The following GLRA3 variants were observed in gnomAD, a reference collection of about 807,000 sequenced individuals.
The protein encoded by GLRA3 is glycine receptor alpha 3.
GLRA3 carries 44 observed loss-of-function variants against 60.4 expected under a neutral mutation model. The observed-to-expected ratio is 0.73, with a 90% CI of 0.57 to 0.94. GLRA3 has a LOEUF of 0.94. GLRA3 is among the 40% of genes least tolerant of loss of function. GLRA3 has a pLI of 0.00. For synonymous variants in GLRA3, 223 were observed against 192.9 expected (o/e 1.16, Z -1.29); for missense variants, 508 against 564.6 (o/e 0.90, Z 1.02).
chr4:174,643,376 A>G lies in GLRA3; in HGVS notation c.*410T>C. 1 of 337,358 alleles carries G rather than the reference A, an allele frequency of 3.0e-6. No individual in the cohort carries two copies. Among genetic ancestry groups the G allele is most frequent in the Non-Finnish European group, 3.3e-6 (1 of 303,006 alleles). 20.9% of individuals were successfully genotyped at this position (337,358 alleles called of 1,614,324 possible). A position where few individuals can be genotyped will look rare whatever the true frequency, so the allele number is the denominator to read the frequency against. ...ACTATACTATAAGAAAATAGTTTTA[A>G]ATCTCAAACTATTGGTTTACTGTGC... On this transcript the variant is annotated 3_prime_UTR_variant, in exon 10 of 10. Transcript: ENST00000274093.
At chr4:174,724,301 T>G (rs1278448302) in intron 4 of GLRA3, among the ~76,000 whole-genome samples, 1 of 152,008 alleles carries the variant, frequency 6.6e-6, no homozygotes, top group Non-Finnish European at 1.5e-5. Context: ...CACATACATA[T>G]GTAATTTAGA....
intron 1 of GLRA3, among the ~76,000 whole-genome samples, chr4:174,827,185 C>T (rs1344592309): frequency 6.6e-6 from 1 of 151,810 alleles, no homozygotes; most frequent in Admixed American, 6.6e-5. Flanking sequence ...CTTATAATCA[C>T]AATTATCCAT....
intron 3 of GLRA3, among the ~76,000 whole-genome samples, chr4:174,753,420 T>C (rs141171996): frequency 6.6e-6 from 1 of 152,322 alleles, no homozygotes; most frequent in East Asian, 1.9e-4. Context: ...CTAATTGACA[T>C]GCTAGATTCA....
intron 1 of GLRA3, among the ~76,000 whole-genome samples, chr4:174,792,933 G>A (rs1416996137): frequency 7.2e-5 from 11 of 152,128 alleles, no homozygotes; most frequent in Admixed American, 4.6e-4. Context: ...ATTGGTTTAC[G>A]TTGTCACCAC....
chr4:174,651,722 A>G (rs183303922), intron 9 of GLRA3, among the ~76,000 whole-genome samples: 84 of 152,208 alleles, frequency 5.5e-4, no homozygotes, highest in African/African-American at 2.0e-3. Flanking sequence ...TCAAGTCCTC[A>G]CTGTCTTATT....
intron 3 of GLRA3, among the ~76,000 whole-genome samples, chr4:174,745,463 C>T (rs75800240): frequency 0.16 from 24,061 of 152,136 alleles, 2,488 homozygotes; most frequent in African/African-American, 0.3. Context: ...TGTATTTTCA[C>T]AGTTTTAGGT....
chr4:174,663,583 T>C (rs1283385484), intron 7 of GLRA3, among the ~76,000 whole-genome samples: 3 of 152,204 alleles, frequency 2.0e-5, no homozygotes, highest in Non-Finnish European at 2.9e-5. Context: ...CTTAAAAGCA[T>C]TGAGCCTAAA....
intron 4 of GLRA3, among the ~76,000 whole-genome samples, chr4:174,721,506 T>C (rs571534400): frequency 6.6e-6 from 1 of 151,252 alleles, no homozygotes; most frequent in East Asian, 1.9e-4. Flanking sequence ...GTAATAATTA[T>C]GTTACAAATT....
intron 3 of GLRA3, among the ~76,000 whole-genome samples, chr4:174,738,913 G>C (rs1258299213): frequency 1.3e-5 from 2 of 152,162 alleles, no homozygotes; most frequent in African/African-American, 4.8e-5. Flanking sequence ...CATAGGCAAG[G>C]TCTCTTTTAT....
intron 2 of GLRA3, among the ~76,000 whole-genome samples, chr4:174,783,387 A>G (rs1409861134): frequency 3.8e-5 from 5 of 132,778 alleles, no homozygotes; most frequent in African/African-American, 1.1e-4. Context: ...CCTAGGCATT[A>G]CCATTCAGGA....
rs1344589588 is a variant in GLRA3, at chr4:174,637,916, G to A, written c.*5870C>T. ...AATTTTATATTTCATTATTTTATAA[G>A]CCTGAAAATATCTCATCATTGTTTA... On this transcript the variant is annotated 3_prime_UTR_variant, in exon 10 of 10. Coordinates refer to ENST00000274093, the MANE Select transcript of GLRA3 (RefSeq NM_006529.4). 6.6e-6 allele frequency: 1 copy of A among 151,488 alleles called. No individual in the cohort carries two copies. Among genetic ancestry groups the A allele is most frequent in the African/African-American group, 2.4e-5 (1 of 41,020 alleles). 9.4% of individuals were successfully genotyped at this position (151,488 alleles called of 1,614,324 possible).
At chr4:174,683,052 A>G in intron 5 of GLRA3, 113 bp from the exon 6 acceptor site, 1 of 772,978 alleles carries the variant, frequency 1.3e-6, no homozygotes, top group African/African-American at 1.7e-5. Context: ...GTCATCTTAT[A>G]GTAACTCTGT....
chr4:174,778,728 C>A (rs1039918701), intron 2 of GLRA3, among the ~76,000 whole-genome samples: 2 of 152,172 alleles, frequency 1.3e-5, no homozygotes, highest in African/African-American at 2.4e-5. Flanking sequence ...CCTGGAAAAT[C>A]GGGTCACTCC....
intron 1 of GLRA3, among the ~76,000 whole-genome samples, chr4:174,802,310 A>G (rs1739845188): frequency 6.6e-6 from 1 of 152,068 alleles, no homozygotes; most frequent in Non-Finnish European, 1.5e-5. Flanking sequence ...CTTGAGACTT[A>G]CATTTGTCTC....
chr4:174,800,791 C>T (rs1200407748), intron 1 of GLRA3, among the ~76,000 whole-genome samples: 2 of 151,984 alleles, frequency 1.3e-5, no homozygotes, highest in Non-Finnish European at 2.9e-5. Context: ...GATGCTTATG[C>T]CTGCCTTATG....
chr4:174,691,760 T>C (rs75099150), intron 5 of GLRA3, among the ~76,000 whole-genome samples: 20,991 of 151,988 alleles, frequency 0.14, 1,967 homozygotes, highest in East Asian at 0.37. Flanking sequence ...ACCTCCCAGC[T>C]GCCTGCCTTG....
intron 3 of GLRA3, among the ~76,000 whole-genome samples, chr4:174,735,995 A>G (rs1017090318): frequency 6.6e-6 from 1 of 152,122 alleles, no homozygotes; most frequent in Non-Finnish European, 1.5e-5. Context: ...TGGTCTTTGG[A>G]ACATTCTATT....
At chr4:174,746,422 C>T (rs981450539) in intron 3 of GLRA3, among the ~76,000 whole-genome samples, 3 of 152,042 alleles carry the variant, frequency 2.0e-5, no homozygotes, top group African/African-American at 7.2e-5. Context: ...CCTTCACACT[C>T]ATATGTGGGA....
chr4:174,818,428 A>G (rs1027593648), intron 1 of GLRA3, among the ~76,000 whole-genome samples: 2 of 152,144 alleles, frequency 1.3e-5, no homozygotes, highest in African/African-American at 4.8e-5. Context: ...GCCCTTTTGA[A>G]ATAGAGCAAA....
Sources: allele counts gnomAD v4.1 joint callset (sites outside exome capture counted in the v4.1 genomes callset), GRCh38; gene constraint gnomAD v4.1.1; transcripts MANE v1.5; gene names NCBI Gene and HGNC (gene_info 2026-07-23, HGNC 2026-07-21).